MDGA2: variants seen among roughly 807,000 people sequenced by gnomAD.
MDGA2 encodes MAM domain-containing glycosylphosphatidylinositol anchor protein 2.
Under a neutral mutation model 117.8 loss-of-function variants are expected in MDGA2, and 40 were observed. The observed-to-expected ratio is 0.34, with a 90% CI of 0.26 to 0.44. The LOEUF is 0.44. Ranked by LOEUF, MDGA2 falls within the 20% of genes least tolerant of loss-of-function variation. The probability of loss-of-function intolerance (pLI) is 1.00; values close to 1 mark genes in which losing one functional copy is unlikely to be tolerated. For missense variants in MDGA2, 1,123 were observed against 1,250.6 expected, an observed-to-expected ratio of 0.90 and a Z score of 1.54; for synonymous variants, 452 against 439.0, an observed-to-expected ratio of 1.03 and a Z score of -0.37.
intron 2 of MDGA2, among the ~76,000 whole-genome samples, chr14:47,281,864 C>A (rs192153534): frequency 6.6e-6 from 1 of 151,820 alleles, no homozygotes; most frequent in Non-Finnish European, 1.5e-5. Context: ...CGAGACCAAC[C>A]TGGCCAACAT....
intron 1 of MDGA2, among the ~76,000 whole-genome samples, chr14:47,326,339 ATGAG>A (rs1324370090): frequency 2.0e-5 from 3 of 152,156 alleles, no homozygotes; most frequent in Non-Finnish European, 4.4e-5. Context: ...CAAACACTCT[ATGAG>A]ATAGGTACTA....
chr14:47,516,377 C>T (rs1341594602), intron 1 of MDGA2, among the ~76,000 whole-genome samples: 1 of 152,144 alleles, frequency 6.6e-6, no homozygotes. Context: ...CCAGTAGCCC[C>T]CAGATATTCC....
At chr14:46,929,810 T>C (rs1019110103) in intron 9 of MDGA2, among the ~76,000 whole-genome samples, 6 of 150,426 alleles carry the variant, frequency 4.0e-5, no homozygotes, top group Non-Finnish European at 3.0e-5. Flanking sequence ...CTAATTTTTG[T>C]ATTTTTAGTA....
intron 1 of MDGA2, among the ~76,000 whole-genome samples, chr14:47,523,543 C>T (rs1894912679): frequency 6.6e-6 from 1 of 152,066 alleles, no homozygotes; most frequent in South Asian, 2.1e-4. Context: ...TGTAATCGAT[C>T]CATGGAATCT....
intron 1 of MDGA2, among the ~76,000 whole-genome samples, chr14:47,454,352 G>A (rs1004489579): frequency 6.6e-6 from 1 of 152,074 alleles, no homozygotes; most frequent in African/African-American, 2.4e-5. Context: ...AAGCAGTATT[G>A]TTTATCATAA....
intron 1 of MDGA2, among the ~76,000 whole-genome samples, chr14:47,651,856 A>T (rs760473812): frequency 6.6e-6 from 1 of 152,146 alleles, no homozygotes; most frequent in South Asian, 2.1e-4. Context: ...TGATATGTGG[A>T]CCTGGGTGAC....
At chr14:47,016,113 A>G (rs185141705) in intron 8 of MDGA2, among the ~76,000 whole-genome samples, 17 of 152,186 alleles carry the variant, frequency 1.1e-4, no homozygotes, top group African/African-American at 2.6e-4. Context: ...ATTTTTTTAC[A>G]AGTATCTAGG....
At chr14:47,456,690 G>A (rs1005653836) in intron 1 of MDGA2, among the ~76,000 whole-genome samples, 6 of 152,182 alleles carry the variant, frequency 3.9e-5, no homozygotes, top group South Asian at 2.1e-4. Flanking sequence ...TAGAATGCCC[G>A]TTTGTGAGAG....
chr14:47,181,838 A>T (rs980722022), intron 3 of MDGA2, among the ~76,000 whole-genome samples: 3 of 152,218 alleles, frequency 2.0e-5, no homozygotes, highest in African/African-American at 7.2e-5. Flanking sequence ...AATAAAAATT[A>T]AAAAGGCTAT....
At chr14:47,272,797 T>G (rs1436096536) in intron 2 of MDGA2, among the ~76,000 whole-genome samples, 1 of 152,218 alleles carries the variant, frequency 6.6e-6, no homozygotes, top group Non-Finnish European at 1.5e-5. Flanking sequence ...GGTTAACCTA[T>G]TAACACCTTT....
chr14:47,564,342 C>G (rs1458426325), intron 1 of MDGA2, among the ~76,000 whole-genome samples: 1 of 152,066 alleles, frequency 6.6e-6, no homozygotes, highest in Non-Finnish European at 1.5e-5. Context: ...TGAGGCTGGG[C>G]AATTTGCTAA....
chr14:47,566,198 G>A (rs1218403718), intron 1 of MDGA2, among the ~76,000 whole-genome samples: 1 of 152,164 alleles, frequency 6.6e-6, no homozygotes, highest in Non-Finnish European at 1.5e-5. Flanking sequence ...GCTGGTGTGT[G>A]TCAGCAAGGG....
chr14:47,176,205 C>A (rs1461884266), intron 3 of MDGA2, among the ~76,000 whole-genome samples: 1 of 152,040 alleles, frequency 6.6e-6, no homozygotes, highest in Non-Finnish European at 1.5e-5. Context: ...GAATCAGTAT[C>A]GTGAAAATGG....
chr14:47,480,151 C>T (rs903864216), intron 1 of MDGA2, among the ~76,000 whole-genome samples: 2 of 152,002 alleles, frequency 1.3e-5, no homozygotes, highest in Non-Finnish European at 2.9e-5. Context: ...TTAAAAACTT[C>T]TAATGTATAG....
At chr14:47,172,979 G>A (rs555029354) in intron 3 of MDGA2, among the ~76,000 whole-genome samples, 133 of 152,266 alleles carry the variant, frequency 8.7e-4, no homozygotes, top group African/African-American at 3.0e-3. Context: ...TGAAAGCCAA[G>A]GCTCGAGAAC....
chr14:47,119,110 G>A (rs868285194), intron 5 of MDGA2, among the ~76,000 whole-genome samples: 13 of 145,264 alleles, frequency 8.9e-5, no homozygotes, highest in African/African-American at 2.0e-4. Flanking sequence ...GAGTGCAGTG[G>A]CGCAGTTTCG....
chr14:47,219,489 A>G (rs1886220172), intron 2 of MDGA2, among the ~76,000 whole-genome samples: 1 of 152,078 alleles, frequency 6.6e-6, no homozygotes, highest in African/African-American at 2.4e-5. Flanking sequence ...TAGTTTATAA[A>G]TGTATTACTG....
At chr14:46,875,247 T>C (rs989609027) in intron 12 of MDGA2, among the ~76,000 whole-genome samples, 1 of 151,660 alleles carries the variant, frequency 6.6e-6, no homozygotes, top group African/African-American at 2.4e-5. Flanking sequence ...CCATAAGGGG[T>C]TAGATTTATC....
Position 47,003,295 on chromosome 14 carries a change from T to C in MDGA2, c.1819+31716A>G, listed in dbSNP as rs61605725. Among the ~76,000 whole-genome samples the C allele has an allele frequency of 2.9e-3, 445 of 152,152 alleles. 4 individuals carry two copies. Among genetic ancestry groups the C allele is most frequent in the African/African-American group, 0.01 (417 of 41,536 alleles). ...GTGTGTAAGTTGTTAAGTAGACTTA[T>C]GGCTTCATTTTTCACTGGTAAATAC... On this transcript the variant is annotated intron_variant, in intron 8 of 16. Coordinates refer to ENST00000399232, the MANE Select transcript of MDGA2 (RefSeq NM_001113498.3).
Sources: allele counts gnomAD v4.1 joint callset (sites outside exome capture counted in the v4.1 genomes callset), GRCh38; gene constraint gnomAD v4.1.1; transcripts MANE v1.5; gene names NCBI Gene and HGNC (gene_info 2026-07-23, HGNC 2026-07-21).